The following SLC13A3 variants were observed in gnomAD, a reference collection of about 807,000 sequenced individuals.
The protein encoded by SLC13A3 is solute carrier family 13 member 3.
A neutral mutation model predicts 59.0 loss-of-function variants in SLC13A3; 40 were observed. That is an observed-to-expected ratio of 0.68 (90% CI 0.53 to 0.88). The LOEUF (loss-of-function observed/expected upper bound fraction) is 0.88. Among genes scored for constraint, SLC13A3 ranks in the 40% least tolerant of loss-of-function variants. SLC13A3 has a pLI of 0.00. For missense variants in SLC13A3, 699 were observed against 783.2 expected, an observed-to-expected ratio of 0.89 and a Z score of 1.28; for synonymous variants, 317 against 330.3, an observed-to-expected ratio of 0.96 and a Z score of 0.44.
chr20:46,631,210 G>A (rs183751458), intron 1 of SLC13A3, among the ~76,000 whole-genome samples: 1 of 152,298 alleles, frequency 6.6e-6, no homozygotes, highest in East Asian at 1.9e-4. Flanking sequence ...CATCTAGTGA[G>A]TACAGGACAG....
intron 6 of SLC13A3, among the ~76,000 whole-genome samples, chr20:46,591,959 G>A (rs1846323968): frequency 6.6e-6 from 1 of 152,036 alleles, no homozygotes; most frequent in South Asian, 2.1e-4. Flanking sequence ...TAACCCCAGA[G>A]CTTTGAGAGG....
chr20:46,567,872 A>G lies in SLC13A3; in HGVS notation c.1333-1482T>C, dbSNP rs1000367681. ...CCCCTGGTGCAACTGTGATGCAGCA[A>G]GATCACAATAAAGCCACCGTTTGCT... On this transcript the variant is annotated intron_variant, in intron 10 of 12. Coordinates refer to ENST00000279027, the MANE Select transcript of SLC13A3 (RefSeq NM_022829.6). Among the ~76,000 whole-genome samples the G allele has an allele frequency of 1.6e-4, 25 of 152,362 alleles. 1 individual carries two copies. The highest frequency in any genetic ancestry group is 6.0e-4 in the African/African-American group (25 of 41,590).
At chr20:46,570,685 A>G (rs942849670) in intron 10 of SLC13A3, among the ~76,000 whole-genome samples, 1 of 152,206 alleles carries the variant, frequency 6.6e-6, no homozygotes, top group African/African-American at 2.4e-5. Flanking sequence ...CTCTTTCACC[A>G]TTGCAAAGTT....
chr20:46,635,142 T>C (rs1399979906), intron 1 of SLC13A3, among the ~76,000 whole-genome samples: 1 of 152,232 alleles, frequency 6.6e-6, no homozygotes, highest in East Asian at 1.9e-4. Flanking sequence ...TGCTGTTTCT[T>C]GGACACTTGC....
At chr20:46,633,537 A>G (rs1266054753) in intron 1 of SLC13A3, among the ~76,000 whole-genome samples, 1 of 151,512 alleles carries the variant, frequency 6.6e-6, no homozygotes, top group Non-Finnish European at 1.5e-5. Flanking sequence ...CTATGCTTTG[A>G]CAGTCCTGCA....
In SLC13A3 at chr20:46,588,167, T is replaced by C. The variant is rs761400552; in HGVS notation, c.1017-4A>G. 1.3e-6 allele frequency: 2 copies of C among 1,596,710 alleles called. No individual in the cohort carries two copies. The highest frequency in any genetic ancestry group is 1.7e-5 in the Admixed American group (1 of 59,332). ...GAAAACAGCCTGTTCGGCAAACCTG[T>C]GGCACAGACATGCAGGCATGATGGT... On this transcript the variant is annotated splice_region_variant and splice_polypyrimidine_tract_variant and intron_variant, in intron 7 of 12. Coordinates refer to ENST00000279027, the MANE Select transcript of SLC13A3 (RefSeq NM_022829.6).
At chr20:46,643,812 GA>G (rs1306590752) in intron 1 of SLC13A3, among the ~76,000 whole-genome samples, 2 of 152,194 alleles carry the variant, frequency 1.3e-5, no homozygotes, top group African/African-American at 4.8e-5. Context: ...AGGAGGCTGA[GA>G]GGGGCGGATA....
upstream of SLC13A3, among the ~76,000 whole-genome samples, chr20:46,671,604 T>G (rs535581679): frequency 6.6e-6 from 1 of 151,934 alleles, no homozygotes; most frequent in East Asian, 1.9e-4. Flanking sequence ...TAGGAATGCA[T>G]AAGATTTATT....
intron 12 of SLC13A3, among the ~76,000 whole-genome samples, chr20:46,561,523 CTTAA>C (rs2061930207): frequency 6.6e-6 from 1 of 152,084 alleles, no homozygotes; most frequent in African/African-American, 2.4e-5. Context: ...TCAGGGAGAG[CTTAA>C]TTCTTTTGTT....
chr20:46,621,822 T>G (rs6094398), intron 1 of SLC13A3, among the ~76,000 whole-genome samples: 1,841 of 152,368 alleles, frequency 0.012, 39 homozygotes, highest in African/African-American at 0.042. Flanking sequence ...ACCGCTCCGC[T>G]AAAAATTCAT....
At chr20:46,587,538 G>C (rs1004457952) in intron 8 of SLC13A3, among the ~76,000 whole-genome samples, 1 of 152,008 alleles carries the variant, frequency 6.6e-6, no homozygotes, top group African/African-American at 2.4e-5. Flanking sequence ...ACATTCCCAG[G>C]GCATCTCCAC....
At chr20:46,581,511 G>A (rs576548161) in intron 9 of SLC13A3, among the ~76,000 whole-genome samples, 3 of 152,324 alleles carry the variant, frequency 2.0e-5, no homozygotes, top group South Asian at 2.1e-4. Context: ...ACAGGGGCAT[G>A]ACTGGGCTGA....
chr20:46,593,565 G>C (rs2062281046), intron 5 of SLC13A3, among the ~76,000 whole-genome samples: 1 of 151,996 alleles, frequency 6.6e-6, no homozygotes, highest in African/African-American at 2.4e-5. Flanking sequence ...TTTCTACAAT[G>C]AATAAGTATA....
intron 6 of SLC13A3, among the ~76,000 whole-genome samples, chr20:46,590,675 A>T (rs1268746669): frequency 6.6e-6 from 1 of 152,068 alleles, no homozygotes; most frequent in African/African-American, 2.4e-5. Flanking sequence ...GCAAGGAAGC[A>T]GACACTCTCA....
At chr20:46,648,221 C>T (rs2062914111) in intron 1 of SLC13A3, among the ~76,000 whole-genome samples, 1 of 150,904 alleles carries the variant, frequency 6.6e-6, no homozygotes, top group Admixed American at 6.6e-5. Flanking sequence ...ACTGCACTGG[C>T]AGTGAGCTGC....
chr20:46,649,435 C>T (rs1465574964), intron 1 of SLC13A3, among the ~76,000 whole-genome samples: 1 of 152,184 alleles, frequency 6.6e-6, no homozygotes, highest in Admixed American at 6.5e-5. Context: ...TGGATCTGCT[C>T]CTGGGTTCAT....
intron 12 of SLC13A3, among the ~76,000 whole-genome samples, chr20:46,561,826 G>T (rs1161130153): frequency 6.6e-6 from 1 of 152,034 alleles, no homozygotes; most frequent in Non-Finnish European, 1.5e-5. Context: ...CGACATGTTG[G>T]GGAAACTGGG....
intron 1 of SLC13A3, among the ~76,000 whole-genome samples, chr20:46,679,300 T>C (rs1359894739): frequency 1.3e-5 from 2 of 152,204 alleles, no homozygotes; most frequent in African/African-American, 2.4e-5. Context: ...CTCATGCCTA[T>C]AATCCCAGCA....
chr20:46,604,755 T>C (rs565943592), intron 3 of SLC13A3, among the ~76,000 whole-genome samples: 18 of 152,230 alleles, frequency 1.2e-4, no homozygotes, highest in African/African-American at 4.3e-4. Context: ...TGAGCACGAG[T>C]GCTGGGAACA....
Sources: allele counts gnomAD v4.1 joint callset (sites outside exome capture counted in the v4.1 genomes callset), GRCh38; gene constraint gnomAD v4.1.1; transcripts MANE v1.5; gene names NCBI Gene and HGNC (gene_info 2026-07-23, HGNC 2026-07-21).